The following ZNF850 variants were observed in gnomAD, a reference collection of about 807,000 sequenced individuals.
ZNF850 encodes zinc finger protein 850, also known as putative zinc finger protein ENSP00000330994.
Under a neutral mutation model 11.9 loss-of-function variants are expected in ZNF850, and 2 were observed. That is an observed-to-expected ratio of 0.17 (90% confidence interval 0.07 to 0.53). The LOEUF is 0.53. Among genes scored for constraint, ZNF850 ranks in the 20% least tolerant of loss-of-function variants. ZNF850 has a pLI of 0.94. For synonymous variants in ZNF850, 381 were observed against 443.0 expected (o/e 0.86, Z 1.76); for missense variants, 1,014 against 1,316.4 (o/e 0.77, Z 3.55).
chr19:36,749,528 G>C lies in ZNF850; in HGVS notation c.1512C>G (p.Pro504=), dbSNP rs767763579. 6.5e-7 allele frequency: 1 copy of C among 1,545,494 alleles called. No homozygotes were observed. The highest frequency in any genetic ancestry group is 1.2e-5 in the South Asian group (1 of 84,482). ...RHQRIHTGEK[P]YNCKECGKSF... is the part of the protein sequence containing the mutation. ...ATTTTCCACATTCTTTACAATTATA[G>C]GGTTTCTCACCAGTGTGGATTCGCT... is the stretch of plus-strand genomic sequence containing the variant. Residue 504 remains proline, a synonymous_variant, in exon 5 of 5, where the codon CCC becomes CCG. Transcript: ENST00000591344.
At chr19:36,756,763 G>A (rs990355849) in intron 4 of ZNF850, among the ~76,000 whole-genome samples, 21 of 152,044 alleles carry the variant, frequency 1.4e-4, no homozygotes, top group African/African-American at 3.9e-4. Flanking sequence ...ACAGGTATGC[G>A]CCACCACGCC....
intron 4 of ZNF850, among the ~76,000 whole-genome samples, chr19:36,758,953 CA>C (rs1169184606): frequency 6.6e-6 from 1 of 151,694 alleles, no homozygotes; most frequent in Non-Finnish European, 1.5e-5. Context: ...TGTGGTGGCA[CA>C]TGCCTGTAAT....
chr19:36,765,970 C>T (rs1297248510), intron 1 of ZNF850, among the ~76,000 whole-genome samples: 1 of 152,044 alleles, frequency 6.6e-6, no homozygotes, highest in Non-Finnish European at 1.5e-5. Flanking sequence ...CTCACTGCAA[C>T]CTCTGCCTCC....
chr19:36,761,621 C>T, intron 4 of ZNF850, 22 bp downstream of exon 4: 1 of 1,427,520 alleles, frequency 7.0e-7, no homozygotes, highest in South Asian at 1.2e-5. Context: ...GTGTCTTCCC[C>T]ATGTGCTCAG....
rs188632679 is a variant in ZNF850, at chr19:36,746,384, G to C, written c.*1383C>G. 1 of 152,224 alleles carries C rather than the reference G, an allele frequency of 6.6e-6. No homozygotes were observed. Among genetic ancestry groups the C allele is most frequent in the East Asian group, 1.9e-4 (1 of 5,170 alleles). 9.4% of individuals were successfully genotyped at this position (152,224 alleles called of 1,614,324 possible). On this transcript the variant is annotated 3_prime_UTR_variant, in exon 5 of 5. Transcript: ENST00000591344. ...GTGTGTTCTGACTACAAACTTAATT[G>C]ATAAACACTGTGTGTGTTCTGACTG...
At chr19:36,753,746 A>G (rs1271209724) in intron 4 of ZNF850, among the ~76,000 whole-genome samples, 1 of 152,188 alleles carries the variant, frequency 6.6e-6, no homozygotes, top group East Asian at 1.9e-4. Context: ...CTTCAGAAGA[A>G]TCCTGTGAAT....
At chr19:36,763,480 G>A (rs530635982) in intron 1 of ZNF850, among the ~76,000 whole-genome samples, 1 of 151,674 alleles carries the variant, frequency 6.6e-6, no homozygotes, top group Non-Finnish European at 1.5e-5. Flanking sequence ...GGAGGCAGAG[G>A]TTGCGGTGAG....
chr19:36,763,499 G>A (rs915012708), intron 1 of ZNF850, among the ~76,000 whole-genome samples: 7 of 151,338 alleles, frequency 4.6e-5, no homozygotes, highest in East Asian at 2.0e-4. Context: ...AGCCAAGATC[G>A]CACCACTGCA....
intron 1 of ZNF850, among the ~76,000 whole-genome samples, chr19:36,771,685 T>A (rs1202194475): frequency 6.6e-6 from 1 of 152,092 alleles, no homozygotes; most frequent in Non-Finnish European, 1.5e-5. Flanking sequence ...GTCTAAAGCA[T>A]GTCCAAAAAA....
At chr19:36,757,680 G>T (rs1211459333) in intron 4 of ZNF850, among the ~76,000 whole-genome samples, 2 of 151,700 alleles carry the variant, frequency 1.3e-5, no homozygotes, top group African/African-American at 4.8e-5. Context: ...CTAATTTTTT[G>T]TGTGTTTGTT....
intron 4 of ZNF850, among the ~76,000 whole-genome samples, chr19:36,753,644 AG>A (rs1320557376): frequency 6.6e-6 from 1 of 151,784 alleles, no homozygotes; most frequent in African/African-American, 2.4e-5. Context: ...CAAAATGGAC[AG>A]GAAAAAAAAA....
chr19:36,744,682 GTA>G lies in ZNF850; in HGVS notation c.*3083_*3084del. The stretch of plus-strand genomic sequence containing the variant: ...GCACTCCTCCATCTTCACCCTCTCT[GTA>G]TATATTTATGTTTAAATATCTCCAA... On this transcript the variant is annotated 3_prime_UTR_variant, in exon 5 of 5. Transcript: ENST00000591344. 1 of 152,062 alleles carries G rather than the reference GTA, an allele frequency of 6.6e-6. No homozygotes were observed. Among genetic ancestry groups the G allele is most frequent in the Non-Finnish European group, 1.5e-5 (1 of 68,022 alleles). The allele number at this position is 152,062 out of a possible 1,614,324, so 9.4% of individuals were successfully genotyped here. A position where few individuals can be genotyped will look rare whatever the true frequency, so the allele number is the denominator to read the frequency against.
At chr19:36,762,752 T>C (rs776034168) in intron 1 of ZNF850, 77 bp from the exon 2 acceptor site, 14 of 800,190 alleles carry the variant, frequency 1.7e-5, no homozygotes, top group Non-Finnish European at 2.6e-5. Flanking sequence ...CAGCAAGCTG[T>C]AGGCCTAGCA....
chr19:36,765,769 A>T (rs2040545692), intron 1 of ZNF850, among the ~76,000 whole-genome samples: 1 of 151,842 alleles, frequency 6.6e-6, no homozygotes, highest in Admixed American at 6.6e-5. Flanking sequence ...TTTTTAGTAG[A>T]GATGGGGTTT....
chr19:36,769,697 A>C (rs1425968371), intron 1 of ZNF850, among the ~76,000 whole-genome samples: 1 of 152,214 alleles, frequency 6.6e-6, no homozygotes, highest in African/African-American at 2.4e-5. Flanking sequence ...AAAAACTCAA[A>C]CTATGTTCTT....
intron 1 of ZNF850, among the ~76,000 whole-genome samples, chr19:36,772,305 A>G (rs1269678413): frequency 1.3e-5 from 2 of 152,088 alleles, no homozygotes; most frequent in Non-Finnish European, 2.9e-5. Context: ...GGGACACACA[A>G]AGTCCCAATC....
At chr19:36,766,572 G>A in intron 1 of ZNF850, among the ~76,000 whole-genome samples, 1 of 152,038 alleles carries the variant, frequency 6.6e-6, no homozygotes, top group East Asian at 1.9e-4. Context: ...TAACCATTCT[G>A]TTTCCTTCTA....
intron 4 of ZNF850, among the ~76,000 whole-genome samples, chr19:36,753,271 GAAA>G (rs71171470): frequency 3.0e-5 from 2 of 66,096 alleles, no homozygotes; most frequent in East Asian, 4.2e-4. Flanking sequence ...TTCATCTCAG[GAAA>G]AAAAAAAAAA....
intron 1 of ZNF850, among the ~76,000 whole-genome samples, chr19:36,766,732 A>G (rs1213416209): frequency 6.6e-6 from 1 of 152,172 alleles, no homozygotes; most frequent in East Asian, 1.9e-4. Flanking sequence ...TCTAAACGCT[A>G]ATCTATTTGA....
Sources: gnomAD v4.1 joint callset for allele counts (sites outside exome capture counted in the v4.1 genomes callset) on GRCh38, gnomAD v4.1.1 for gene constraint, MANE v1.5 for transcripts, NCBI Gene and HGNC (gene_info 2026-07-23, HGNC 2026-07-21) for gene names.